Variants in EPAS1 observed in about 807,000 individuals in gnomAD.
EPAS1 encodes the protein endothelial PAS domain-containing protein 1.
A neutral mutation model predicts 87.9 loss-of-function variants in EPAS1; 23 were observed. The ratio of observed to expected loss-of-function variants is 0.26; its 90% CI spans 0.19 to 0.37. The LOEUF is 0.37. EPAS1 is among the 10% of genes least tolerant of loss of function. The pLI, the probability that EPAS1 is intolerant of heterozygous loss-of-function variation, is 1.00. For synonymous variants in EPAS1, 508 were observed against 444.3 expected (o/e 1.14, Z -1.80); for missense variants, 1,138 against 1,120.7 (o/e 1.02, Z -0.22).
chr2:46,376,817 A>G (rs997809951), intron 9 of EPAS1, 64 bp downstream of exon 9: 10 of 1,540,452 alleles, frequency 6.5e-6, no homozygotes, highest in Admixed American at 1.7e-5. Context: ...AGTTCTTACT[A>G]TAACAGGCCT....
chr2:46,318,239 C>T (rs967064569), intron 1 of EPAS1, among the ~76,000 whole-genome samples: 9 of 151,986 alleles, frequency 5.9e-5, no homozygotes, highest in African/African-American at 2.2e-4. Context: ...CTGGACCAGT[C>T]AGAACACACA....
intron 1 of EPAS1, among the ~76,000 whole-genome samples, chr2:46,333,917 A>C (rs1683735966): frequency 6.6e-6 from 1 of 152,070 alleles, no homozygotes; most frequent in African/African-American, 2.4e-5. Context: ...AATAAATAAA[A>C]CACCACCAGA....
Position 46,300,098 on chromosome 2 carries a change from A to C in EPAS1, c.26+2161A>C, listed in dbSNP as rs913038310. On this transcript the variant is annotated intron_variant, in intron 1 of 15. Transcript: ENST00000263734. The surrounding 1 kb of genome is among the most constrained non-coding windows in gnomAD (Gnocchi z 4.1). ...GGGGTTGTCCAATTCCTATTGGGCT[A>C]ATCAGTTTGAGACTCATTTACTTTT... 6.0e-5 allele frequency among the ~76,000 whole-genome samples: 8 copies of C among 133,474 alleles called. No individual in the cohort carries two copies. The highest frequency in any genetic ancestry group is 3.2e-4 in the African/African-American group (8 of 24,626). The allele number at this position is 133,474 out of a possible 152,430, so 87.6% of individuals were successfully genotyped here.
Position 46,361,418 on chromosome 2 carries a change from G to A in EPAS1, c.779+328G>A, listed in dbSNP as rs555699658. The stretch of plus-strand genomic sequence containing the variant: ...TTCTCAAGGCAGTCTTCTGCCCCAG[G>A]AGAAAGAGTCTAGAGACTTCCATCT... On this transcript the variant is annotated intron_variant, in intron 6 of 15. Transcript: ENST00000263734. Among the ~76,000 whole-genome samples, 9 of 152,282 alleles carry A rather than the reference G, an allele frequency of 5.9e-5. No individual in the cohort carries two copies. The South Asian group carries it at 1.7e-3, about 28-fold the overall frequency.
rs368005700 is a variant in EPAS1, at chr2:46,332,351, TTGGC to T, written c.27-14519_27-14516del. On this transcript the variant is annotated intron_variant, in intron 1 of 15. Transcript: ENST00000263734. The stretch of plus-strand genomic sequence containing the variant: ...GTGTGTGTATCAACTTGTTTTCTCT[TTGGC>T]TGCTGGGCTGGATAATGAAGTAAAG... 2.2e-3 allele frequency among the ~76,000 whole-genome samples: 322 copies of T among 149,582 alleles called. 2 individuals are homozygous for T. The highest frequency in any genetic ancestry group is 7.5e-3 in the African/African-American group (303 of 40,538).
rs780349023 is a variant in EPAS1, at chr2:46,360,898, C to A, written c.587C>A (p.Thr196Lys). Residue 196 changes from threonine to lysine, a missense_variant, in exon 6 of 16, where the codon ACG becomes AAG. Physicochemically the swap from Thr to Lys is moderately conservative, Grantham distance 78. Coordinates refer to ENST00000263734, the MANE Select transcript of EPAS1 (RefSeq NM_001430.5). The surrounding 1 kb of genome is among the most constrained non-coding windows in gnomAD (Gnocchi z 4.5). ...CGCCTGTCTCAGGTCTTGCACTGCA[C>A]GGGCCAGGTGAAAGTCTACAACAAC... is the stretch of plus-strand genomic sequence containing the variant. ...KSATWKVLHC[T>K]GQVKVYNNCP... 84 of 1,614,054 alleles carry A rather than the reference C, an allele frequency of 5.2e-5. No homozygotes were observed. Among genetic ancestry groups the A allele is most frequent in the Non-Finnish European group, 2.4e-5 (28 of 1,180,038 alleles).
chr2:46,366,056 CAG>C (rs1684493736), intron 6 of EPAS1, among the ~76,000 whole-genome samples: 4 of 148,788 alleles, frequency 2.7e-5, no homozygotes. Flanking sequence ...GTGTAGGGAA[CAG>C]GGGTAAAAAC....
intron 6 of EPAS1, among the ~76,000 whole-genome samples, chr2:46,367,917 G>C (rs571295185): frequency 6.6e-6 from 1 of 152,296 alleles, no homozygotes; most frequent in East Asian, 1.9e-4. Flanking sequence ...GTGTGCGCGT[G>C]CATGTGTGCG....
At position 46,356,133 on chromosome 2, in the gene EPAS1, A is replaced by ACCCCCCCCCC. The variant is rs66811540; in HGVS notation, c.218-17_218-8dup. ...ACTCCACATTCATGCAAGCTGTCCC[A>ACCCCCCCCCC]CCCCCCCCCCTTTCCAGTTTGCTCT... On this transcript the variant is annotated splice_polypyrimidine_tract_variant and intron_variant, in intron 2 of 15. Coordinates refer to ENST00000263734, the MANE Select transcript of EPAS1 (RefSeq NM_001430.5). The ACCCCCCCCCC allele has an allele frequency of 2.5e-6, 3 of 1,219,294 alleles. No individual in the cohort carries two copies. Among genetic ancestry groups the ACCCCCCCCCC allele is most frequent in the Non-Finnish European group, 2.3e-6 (2 of 868,434 alleles). 75.5% of individuals were successfully genotyped at this position (1,219,294 alleles called of 1,614,324 possible).
chr2:46,381,589 T>G lies in EPAS1; in HGVS notation c.2046-7T>G. Reference sequence around the variant, plus strand: ...TCCCTCATAGCCTGCTCTCTCGGGCTTGGCAGGTCTGCAAAGGGTTTTGGG... The same window carrying G: ...TCCCTCATAGCCTGCTCTCTCGGGCGTGGCAGGTCTGCAAAGGGTTTTGGG... On this transcript the variant is annotated splice_polypyrimidine_tract_variant and splice_region_variant and intron_variant, in intron 12 of 15. Transcript: ENST00000263734. The G allele has an allele frequency of 6.2e-7, 1 of 1,613,982 alleles. No individual in the cohort carries two copies. The highest frequency in any genetic ancestry group is 8.5e-7 in the Non-Finnish European group (1 of 1,180,028).
chr2:46,350,018 A>C (rs568695771), intron 2 of EPAS1, among the ~76,000 whole-genome samples: 1 of 152,362 alleles, frequency 6.6e-6, no homozygotes, highest in East Asian at 1.9e-4. Flanking sequence ...TTGAGATAAC[A>C]GATATAAAAG....
Position 46,381,647 on chromosome 2 carries a change from G to A in EPAS1, c.2097G>A (p.Met699Ile). 6.2e-7 allele frequency: 1 copy of A among 1,614,032 alleles called. No homozygotes were observed. The highest frequency in any genetic ancestry group is 8.5e-7 in the Non-Finnish European group (1 of 1,180,038). The change falls in exon 13 of 16, where the codon ATG (methionine) becomes ATA (isoleucine). Residue 699 changes from methionine to isoleucine, a missense_variant. Physicochemically the swap from Met to Ile is conservative, Grantham distance 10. Transcript: ENST00000263734. ...ARGPDVLSPA[M>I]VALSNKLKLK... Reference sequence around the variant, plus strand: ...GCCCAGACGTGCTGAGTCCGGCCATGGTAGCCCTCTCCAACAAGCTGAAGC... The same window carrying A: ...GCCCAGACGTGCTGAGTCCGGCCATAGTAGCCCTCTCCAACAAGCTGAAGC...
Position 46,297,761 on chromosome 2 carries a change from C to T in EPAS1, c.-151C>T, listed in dbSNP as rs542491638. 3 of 1,049,768 alleles carry T rather than the reference C, an allele frequency of 2.9e-6. No individual in the cohort carries two copies. Among genetic ancestry groups the T allele is most frequent in the African/African-American group, 3.2e-5 (2 of 62,286 alleles). The allele number at this position is 1,049,768 out of a possible 1,614,324, so 65.0% of individuals were successfully genotyped here. A position where few individuals can be genotyped will look rare whatever the true frequency, so the allele number is the denominator to read the frequency against. On this transcript the variant is annotated 5_prime_UTR_variant, in exon 1 of 16. Coordinates refer to ENST00000263734, the MANE Select transcript of EPAS1 (RefSeq NM_001430.5). ...ACCTAGCCCGCCGCGCGCCACCTTC[C>T]ACCTGACTGCGCGGGGCGCTCGGGA...
chr2:46,373,892 G>A (rs1684678032), intron 7 of EPAS1, among the ~76,000 whole-genome samples: 1 of 152,188 alleles, frequency 6.6e-6, no homozygotes, highest in Non-Finnish European at 1.5e-5. Flanking sequence ...TTCAGCAAAT[G>A]ACTCAGTAGT....
intron 1 of EPAS1, among the ~76,000 whole-genome samples, chr2:46,340,339 C>G (rs929052956): frequency 6.6e-6 from 1 of 152,164 alleles, no homozygotes; most frequent in Non-Finnish European, 1.5e-5. Flanking sequence ...GCCCTCTGCT[C>G]CAGGGACACA....
Position 46,345,276 on chromosome 2 carries a change from T to TA in EPAS1, c.27-1590dup, listed in dbSNP as rs541234111. ...TACCATGCCTGGCTTAGATGCTTTT[T>TA]AAAAAAATAAAAAACATACTTGTTT... is the stretch of plus-strand genomic sequence containing the variant. On this transcript the variant is annotated intron_variant, in intron 1 of 15. Transcript: ENST00000263734. 2.3e-3 allele frequency among the ~76,000 whole-genome samples: 355 copies of TA among 152,216 alleles called. 5 individuals carry two copies. The highest frequency in any genetic ancestry group is 7.7e-3 in the African/African-American group (320 of 41,544).
chr2:46,306,026 G>C (rs1039700852), intron 1 of EPAS1, among the ~76,000 whole-genome samples: 4 of 152,170 alleles, frequency 2.6e-5, no homozygotes, highest in Non-Finnish European at 5.9e-5. Context: ...ACTAAGGGGA[G>C]TCAGTGGCTT....
chr2:46,355,767 C>T (rs949563970), intron 2 of EPAS1, among the ~76,000 whole-genome samples: 10 of 152,202 alleles, frequency 6.6e-5, no homozygotes, highest in Admixed American at 2.0e-4. Flanking sequence ...CTGTGTATAA[C>T]AGCCAAAGGC....
intron 1 of EPAS1, among the ~76,000 whole-genome samples, chr2:46,330,094 A>C (rs1683645592): frequency 6.6e-6 from 1 of 152,212 alleles, no homozygotes; most frequent in Non-Finnish European, 1.5e-5. Context: ...AGGCAGAATC[A>C]TCAGTAATAC....
Sources: allele counts gnomAD v4.1 joint callset (sites outside exome capture counted in the v4.1 genomes callset), GRCh38; gene constraint gnomAD v4.1.1; non-coding constraint Gnocchi (gnomAD v3.1); transcripts MANE v1.5; gene names NCBI Gene and HGNC (gene_info 2026-07-23, HGNC 2026-07-21).